The following SFSWAP variants were observed in gnomAD, a reference collection of about 807,000 sequenced individuals.
SFSWAP encodes the protein splicing factor SWAP, also known as splicing factor, suppressor of white-apricot homolog.
SFSWAP carries 17 observed loss-of-function variants against 100.7 expected under a neutral mutation model. The ratio of observed to expected loss-of-function variants is 0.17; its 90% CI spans 0.12 to 0.25. SFSWAP has a LOEUF of 0.25. Among genes scored for constraint, SFSWAP ranks in the 10% least tolerant of loss-of-function variants. The probability of loss-of-function intolerance (pLI) is 1.00; values close to 1 mark genes in which losing one functional copy is unlikely to be tolerated. For missense variants in SFSWAP, 1,005 were observed against 1,262.6 expected, an observed-to-expected ratio of 0.80 and a Z score of 3.09; for synonymous variants, 504 against 510.1, an observed-to-expected ratio of 0.99 and a Z score of 0.16.
At chr12:131,787,688 C>T (rs1039708216) in intron 15 of SFSWAP, among the ~76,000 whole-genome samples, 1 of 152,134 alleles carries the variant, frequency 6.6e-6, no homozygotes, top group South Asian at 2.1e-4. Context: ...GGATCACCCA[C>T]ACACTGGGAC....
intron 8 of SFSWAP, 85 bp downstream of exon 8, chr12:131,753,448 T>A: frequency 1.1e-5 from 17 of 1,486,934 alleles, no homozygotes; most frequent in Non-Finnish European, 1.5e-5. Flanking sequence ...ATGGGGGGCT[T>A]GTAATCTAGA....
chr12:131,753,321 C>A lies in SFSWAP; in HGVS notation c.1280C>A (p.Ala427Glu). 1.2e-6 allele frequency: 2 copies of A among 1,612,058 alleles called. No homozygotes were observed. Among genetic ancestry groups the A allele is most frequent in the Non-Finnish European group, 1.7e-6 (2 of 1,178,124 alleles). The change falls in exon 8 of 18, where the codon GCA (alanine) becomes GAA (glutamate). Residue 427 changes from alanine (A) to glutamate (E), a missense_variant. Ala to Glu is a moderately radical substitution (Grantham distance 107). Transcript: ENST00000261674. ...GTTPLPPPTTAETSSGATSTT... is the reference protein window; with the variant it reads ...GTTPLPPPTTEETSSGATSTT... The stretch of plus-strand genomic sequence containing the variant: ...ACACCACTACCGCCCCCAACCACAG[C>A]AGAGACTAGCAGCGGGGCCACCTCC...
Position 131,725,361 on chromosome 12 carries a change from C to A in SFSWAP, c.607-44C>A. 1 of 1,499,730 alleles carries A rather than the reference C, an allele frequency of 6.7e-7. No individual in the cohort carries two copies. The highest frequency in any genetic ancestry group is 9.3e-7 in the Non-Finnish European group (1 of 1,078,150). 92.9% of individuals were successfully genotyped at this position (1,499,730 alleles called of 1,614,324 possible). ...TTAATGAAATCACGTGGCCGGTGGACAAGAGGACAAATGGGTGACGTGAAT... is the reference window on the plus strand; with the variant it reads ...TTAATGAAATCACGTGGCCGGTGGAAAAGAGGACAAATGGGTGACGTGAAT... On this transcript the variant is annotated intron_variant, in intron 4 of 17. Coordinates refer to ENST00000261674, the MANE Select transcript of SFSWAP (RefSeq NM_004592.4). The surrounding 1 kb of genome is among the most constrained non-coding windows in gnomAD (Gnocchi z 4.3).
rs984582013 is a variant in SFSWAP, at chr12:131,730,614, C to T, written c.1081+2186C>T. ...CTGGGTCAGAAGGCTTGGTACATTC[C>T]CAAGGGTTCACCGCAGGGCGGCCAG... On this transcript the variant is annotated intron_variant, in intron 7 of 17. Transcript: ENST00000261674. This position sits in a 1 kb window ranked among gnomAD's most constrained non-coding sequence, Gnocchi z 4.0. Among the ~76,000 whole-genome samples, 9 of 152,128 alleles carry T rather than the reference C, an allele frequency of 5.9e-5. No individual in the cohort carries two copies. The highest frequency in any genetic ancestry group is 2.2e-4 in the African/African-American group (9 of 41,430).
intron 3 of SFSWAP, among the ~76,000 whole-genome samples, chr12:131,716,661 A>G (rs893271487): frequency 6.6e-6 from 1 of 152,252 alleles, no homozygotes; most frequent in Non-Finnish European, 1.5e-5. Flanking sequence ...GAACACAGCA[A>G]TGCTCATTTG....
rs11246792 is a variant in SFSWAP at position 131,745,960 on chromosome 12, C to T, written c.1082-7163C>T. On this transcript the variant is annotated intron_variant, in intron 7 of 17. Coordinates refer to ENST00000261674, the MANE Select transcript of SFSWAP (RefSeq NM_004592.4). ...CCAGCCCTGCTAGGGTAAATCTGCT[C>T]TCAGCGGCTTCCTCCTAGAATCCAG... is the stretch of plus-strand genomic sequence containing the variant. 9.6e-4 allele frequency among the ~76,000 whole-genome samples: 146 copies of T among 152,360 alleles called. 2 individuals are homozygous for T. The East Asian group carries it at 0.025, about 26-fold the overall frequency.
intron 14 of SFSWAP, chr12:131,784,680 C>T (rs1248590615): frequency 6.4e-6 from 1 of 156,118 alleles, no homozygotes; most frequent in African/African-American, 2.4e-5. Context: ...GTTGTGGGGT[C>T]AATATGAGAA....
At chr12:131,786,860 C>T (rs1026159058) in intron 15 of SFSWAP, among the ~76,000 whole-genome samples, 3 of 152,186 alleles carry the variant, frequency 2.0e-5, no homozygotes, top group African/African-American at 7.2e-5. Flanking sequence ...GCTGGTACCT[C>T]GGCTGGGTCC....
chr12:131,732,885 T>C (rs1425061486), intron 7 of SFSWAP, among the ~76,000 whole-genome samples: 2 of 148,774 alleles, frequency 1.3e-5, no homozygotes, highest in Non-Finnish European at 3.0e-5. Context: ...CTAACATTAC[T>C]GATAACATTT....
At chr12:131,747,450 C>T (rs1312625256) in intron 7 of SFSWAP, among the ~76,000 whole-genome samples, 1 of 152,168 alleles carries the variant, frequency 6.6e-6, no homozygotes, top group Non-Finnish European at 1.5e-5. Context: ...AGCAATGGGA[C>T]ATGAGGTAGG....
Position 131,746,376 on chromosome 12 carries a change from G to T in SFSWAP, c.1082-6747G>T, listed in dbSNP as rs144552507. Among the ~76,000 whole-genome samples, 743 of 152,324 alleles carry T rather than the reference G, an allele frequency of 4.9e-3. 5 individuals carry two copies. Among genetic ancestry groups the T allele is most frequent in the African/African-American group, 0.016 (683 of 41,564 alleles). On this transcript the variant is annotated intron_variant, in intron 7 of 17. Coordinates refer to ENST00000261674, the MANE Select transcript of SFSWAP (RefSeq NM_004592.4). The stretch of plus-strand genomic sequence containing the variant: ...ATCTTTTAAGCAAGTCTTGACTTTT[G>T]ATGCCTCATTTGCTGCTGCTAGACC...
At position 131,799,610 on chromosome 12, in the gene SFSWAP, T is replaced by C; in HGVS notation, c.*122T>C. The C allele has an allele frequency of 4.3e-6, 3 of 703,210 alleles. No individual in the cohort carries two copies. Among genetic ancestry groups the C allele is most frequent in the Non-Finnish European group, 7.3e-6 (3 of 413,566 alleles). The allele number at this position is 703,210 out of a possible 1,614,324, so 43.6% of individuals were successfully genotyped here. On this transcript the variant is annotated 3_prime_UTR_variant, in exon 18 of 18. Transcript: ENST00000261674. ...ACCCTTGGTGGCTTTTGTAAATTAA[T>C]TTTTGATGACATTTTGAGTTTTAAG...
intron 15 of SFSWAP, among the ~76,000 whole-genome samples, chr12:131,795,784 A>T (rs917108210): frequency 6.6e-6 from 1 of 151,152 alleles, no homozygotes; most frequent in African/African-American, 2.4e-5. Flanking sequence ...ACCCCAGGAG[A>T]GAGTCAGACA....
intron 14 of SFSWAP, chr12:131,784,163 A>G (rs1010633711): frequency 1.3e-5 from 2 of 152,166 alleles, no homozygotes; most frequent in Non-Finnish European, 2.9e-5. Context: ...CCAAACACAG[A>G]TAAGACCAGA....
At chr12:131,731,576 A>G (rs551966598) in intron 7 of SFSWAP, among the ~76,000 whole-genome samples, 8 of 152,212 alleles carry the variant, frequency 5.3e-5, no homozygotes, top group East Asian at 1.9e-4. Flanking sequence ...ACTGACTACT[A>G]TGTGGTTATT....
At chr12:131,766,365 A>G (rs1593166575) in intron 13 of SFSWAP, 57 bp downstream of exon 13, 1 of 1,506,526 alleles carries the variant, frequency 6.6e-7, no homozygotes, top group Non-Finnish European at 9.1e-7. Context: ...AGAGGCAGGG[A>G]GGATGTGTCT....
rs1357236676 is a variant in SFSWAP at position 131,711,471 on chromosome 12, G to A, written c.218+24G>A. On this transcript the variant is annotated intron_variant, in intron 1 of 17. Coordinates refer to ENST00000261674, the MANE Select transcript of SFSWAP (RefSeq NM_004592.4). The surrounding 1 kb of genome is among the most constrained non-coding windows in gnomAD (Gnocchi z 4.9). ...AGGTCGGTTCCTCTCCCCACCCGTCGATCCTTCCCTTCCCTCACCCGCTTG... is the reference window on the plus strand; with the variant it reads ...AGGTCGGTTCCTCTCCCCACCCGTCAATCCTTCCCTTCCCTCACCCGCTTG... The A allele has an allele frequency of 6.4e-7, 1 of 1,573,724 alleles. No individual in the cohort carries two copies. Among genetic ancestry groups the A allele is most frequent in the African/African-American group, 1.3e-5 (1 of 74,380 alleles).
At chr12:131,768,895 G>A (rs1427651947) in intron 13 of SFSWAP, among the ~76,000 whole-genome samples, 7 of 152,194 alleles carry the variant, frequency 4.6e-5, no homozygotes, top group Non-Finnish European at 1.5e-5. Context: ...AGGCCAAGGC[G>A]GGTGGATCGC....
At chr12:131,757,787 A>C (rs1168465627) in intron 11 of SFSWAP, among the ~76,000 whole-genome samples, 1 of 152,170 alleles carries the variant, frequency 6.6e-6, no homozygotes, top group Admixed American at 6.5e-5. Context: ...TCATTCGAGT[A>C]GGTTACCTGA....
Sources: gnomAD v4.1 joint callset for allele counts (sites outside exome capture counted in the v4.1 genomes callset) on GRCh38, gnomAD v4.1.1 for gene constraint, Gnocchi (gnomAD v3.1) non-coding constraint, MANE v1.5 for transcripts, NCBI Gene and HGNC (gene_info 2026-07-23, HGNC 2026-07-21) for gene names.